SCGB2A2: variants seen among roughly 807,000 people sequenced by gnomAD.
SCGB2A2 encodes the protein secretoglobin family 2A member 2.
In SCGB2A2, 11 loss-of-function variants were observed where a neutral mutation model predicts 8.8. That is an observed-to-expected ratio of 1.25 (90% CI 0.79 to 2.07). The LOEUF (loss-of-function observed/expected upper bound fraction) is 2.07, where lower values mean the gene tolerates loss of function less well. Among genes scored for constraint, SCGB2A2 ranks in the 30% most tolerant of loss-of-function variants. SCGB2A2 has a pLI of 0.00. For missense variants in SCGB2A2, 113 were observed against 109.9 expected (o/e 1.03, Z -0.13); for synonymous variants, 42 against 40.9 (o/e 1.03, Z -0.10).
intron 2 of SCGB2A2, chr11:62,271,785 A>G: frequency 7.1e-6 from 7 of 985,442 alleles, no homozygotes; most frequent in Non-Finnish European, 8.4e-6. Context: ...CCATTTGAGC[A>G]AGATTCTATA....
Position 62,270,300 on chromosome 11 carries a change from G to A in SCGB2A2, c.55+29G>A, listed in dbSNP as rs367881849. 29 of 1,607,462 alleles carry A rather than the reference G, an allele frequency of 1.8e-5. No individual in the cohort carries two copies. The Middle Eastern group carries it at 4.9e-4, about 27-fold the overall frequency. On this transcript the variant is annotated intron_variant, in intron 1 of 2. Transcript: ENST00000227918. Reference sequence around the variant, plus strand: ...AGTTCTGTGCAGGGAGGGCTGCCTCGGGGTTAGGGGTTGTCACTTGGGCCT... The same window carrying A: ...AGTTCTGTGCAGGGAGGGCTGCCTCAGGGTTAGGGGTTGTCACTTGGGCCT...
chr11:62,271,428 C>A (rs907995307), intron 2 of SCGB2A2: 26 of 1,391,522 alleles, frequency 1.9e-5, no homozygotes, highest in Non-Finnish European at 2.4e-5. Context: ...TGCAAACACA[C>A]AGACACAGTC....
At position 62,271,078 on chromosome 11, in the gene SCGB2A2, T is replaced by C; in HGVS notation, c.243+10T>C. On this transcript the variant is annotated intron_variant, in intron 2 of 2. Coordinates refer to ENST00000227918, the MANE Select transcript of SCGB2A2 (RefSeq NM_002411.4). Reference sequence around the variant, plus strand: ...TGTTGAGGTGTTTATGGTAATTTCATTTTCTTCCTATAAGCTTTTTAAATC... The same window carrying C: ...TGTTGAGGTGTTTATGGTAATTTCACTTTCTTCCTATAAGCTTTTTAAATC... 1 of 1,614,164 alleles carries C rather than the reference T, an allele frequency of 6.2e-7. No individual in the cohort carries two copies. Among genetic ancestry groups the C allele is most frequent in the South Asian group, 1.1e-5 (1 of 91,076 alleles).
chr11:62,270,487 G>A (rs1945268710), intron 1 of SCGB2A2, among the ~76,000 whole-genome samples: 1 of 152,194 alleles, frequency 6.6e-6, no homozygotes, highest in Non-Finnish European at 1.5e-5. Flanking sequence ...TTATAGGTGT[G>A]AGCCACCACA....
intron 1 of SCGB2A2, among the ~76,000 whole-genome samples, chr11:62,270,680 A>C (rs938258940): frequency 3.8e-4 from 58 of 152,166 alleles, no homozygotes; most frequent in African/African-American, 1.3e-3. Context: ...TGGGCTGGGG[A>C]GTGGAGAGAA....
chr11:62,270,247 G>C lies in SCGB2A2; in HGVS notation c.31G>C (p.Ala11Pro), dbSNP rs1945266187. ...GTTGCTGATGGTCCTCATGCTGGCG[G>C]CCCTCTCCCAGCACTGCTACGCAGG... is the stretch of plus-strand genomic sequence containing the variant. MKLLMVLMLA[A>P]LSQHCYAGSG... The change falls in exon 1 of 3, where the codon GCC (alanine) becomes CCC (proline). Residue 11 changes from alanine to proline, a missense_variant. Coordinates refer to ENST00000227918, the MANE Select transcript of SCGB2A2 (RefSeq NM_002411.4). 1 of 1,613,774 alleles carries C rather than the reference G, an allele frequency of 6.2e-7. No individual in the cohort carries two copies. The highest frequency in any genetic ancestry group is 1.7e-5 in the Admixed American group (1 of 60,000).
At chr11:62,272,826 C>A in intron 2 of SCGB2A2, 131 bp from the exon 3 acceptor site, 1 of 554,518 alleles carries the variant, frequency 1.8e-6, no homozygotes, top group Non-Finnish European at 3.1e-6. Context: ...CTTCTACTTC[C>A]AGCCCTAACC....
At position 62,272,647 on chromosome 11, in the gene SCGB2A2, C is replaced by CTT. The variant is rs71886885; in HGVS notation, c.244-289_244-288dup. On this transcript the variant is annotated intron_variant, in intron 2 of 2. Transcript: ENST00000227918. ...GGTTAGACGAGAGCTCAAAGTTTCA[C>CTT]TTTTTTTTTTTTTTTTTTTTTTGCA... 7.4e-3 allele frequency among the ~76,000 whole-genome samples: 696 copies of CTT among 94,278 alleles called. 10 individuals carry two copies. Among genetic ancestry groups the CTT allele is most frequent in the East Asian group, 0.037 (110 of 2,980 alleles). 61.9% of individuals were successfully genotyped at this position (94,278 alleles called of 152,430 possible).
intron 2 of SCGB2A2, 168 bp downstream of exon 2, chr11:62,271,236 C>A: frequency 6.6e-7 from 1 of 1,507,006 alleles, no homozygotes. Context: ...GAAAAACATC[C>A]AGTGTCCCTG....
At chr11:62,271,713 CA>C (rs1432798213) in intron 2 of SCGB2A2, 1 of 985,098 alleles carries the variant, frequency 1.0e-6, no homozygotes, top group Non-Finnish European at 1.2e-6. Flanking sequence ...TTCTCTTCTT[CA>C]AAAAAAAGTA....
At chr11:62,272,042 T>TAAAAAAA (rs71053028) in intron 2 of SCGB2A2, 10,197 of 209,522 alleles carry the variant, frequency 0.049, 65 homozygotes, top group South Asian at 0.062. Flanking sequence ...CCTTCCCTGG[T>TAAAAAAA]AAAAAAAAAA....
At chr11:62,272,256 A>G (rs1367160351) in intron 2 of SCGB2A2, among the ~76,000 whole-genome samples, 1 of 29,198 alleles carries the variant, frequency 3.4e-5, no homozygotes, top group Non-Finnish European at 1.4e-4. Context: ...AGAGACAGTG[A>G]AAAAAAAAAA....
chr11:62,272,879 T>C (rs921315206), intron 2 of SCGB2A2, 78 bp from the exon 3 acceptor site: 13 of 1,107,960 alleles, frequency 1.2e-5, no homozygotes, highest in Non-Finnish European at 1.6e-5. Context: ...TGGAAAAAGA[T>C]AAGCTTCTGT....
chr11:62,270,575 G>C (rs1945269382), intron 1 of SCGB2A2, among the ~76,000 whole-genome samples: 1 of 152,194 alleles, frequency 6.6e-6, no homozygotes, highest in Non-Finnish European at 1.5e-5. Context: ...TTGAACCAAA[G>C]AAGACCAAAT....
intron 2 of SCGB2A2, among the ~76,000 whole-genome samples, chr11:62,272,336 T>A (rs1945286172): frequency 6.6e-6 from 1 of 151,798 alleles, no homozygotes; most frequent in African/African-American, 2.4e-5. Flanking sequence ...GGAGTTTCAG[T>A]TGTGCAAAAC....
intron 2 of SCGB2A2, chr11:62,272,114 A>G: frequency 2.3e-6 from 1 of 426,958 alleles, no homozygotes; most frequent in South Asian, 1.0e-4. Context: ...ACATCACCTC[A>G]GGAAACCCTG....
In SCGB2A2 at chr11:62,271,982, G is replaced by A. The variant is rs1025579121; in HGVS notation, c.243+914G>A. The stretch of plus-strand genomic sequence containing the variant: ...TTCTTTCTAACTATACATGTATATT[G>A]TTGAGGGTTTTCTTTAGCATTTATT... On this transcript the variant is annotated intron_variant, in intron 2 of 2. Transcript: ENST00000227918. 3 of 869,920 alleles carry A rather than the reference G, an allele frequency of 3.4e-6. No homozygotes were observed. In the African/African-American group the frequency reaches 6.1e-5, roughly 18 times the overall value. The allele number at this position is 869,920 out of a possible 1,614,324, so 53.9% of individuals were successfully genotyped here.
rs773667864 is a variant in SCGB2A2, at chr11:62,270,190, C to G, written c.-27C>G. 1 of 1,613,492 alleles carries G rather than the reference C, an allele frequency of 6.2e-7. No homozygotes were observed. Among genetic ancestry groups the G allele is most frequent in the Non-Finnish European group, 8.5e-7 (1 of 1,179,602 alleles). On this transcript the variant is annotated 5_prime_UTR_variant, in exon 1 of 3. Transcript: ENST00000227918. The stretch of plus-strand genomic sequence containing the variant: ...CTTCCTTGATCCTTGCCACCCGCGA[C>G]TGAACACCGACAGCAGCAGCCTCAC...
In SCGB2A2 at chr11:62,272,959, A is replaced by C; in HGVS notation, c.246A>C (p.Gln82His). 6.2e-7 allele frequency: 1 copy of C among 1,604,536 alleles called. No homozygotes were observed. The highest frequency in any genetic ancestry group is 8.5e-7 in the Non-Finnish European group (1 of 1,175,358). Residue 82 changes from glutamine to histidine, a missense_variant and splice_region_variant, in exon 3 of 3, where the codon CAA becomes CAC. Transcript: ENST00000227918. Reference protein sequence around the residue: ...ETLSNVEVFMQLIYDSSLCDL... With the variant: ...ETLSNVEVFMHLIYDSSLCDL... Reference sequence around the variant, plus strand: ...ATGTCTCTGTTTTTGCTTTCTAGCAATTAATATATGACAGCAGTCTTTGTG... The same window carrying C: ...ATGTCTCTGTTTTTGCTTTCTAGCACTTAATATATGACAGCAGTCTTTGTG...
Sources: allele counts gnomAD v4.1 joint callset (sites outside exome capture counted in the v4.1 genomes callset), GRCh38; gene constraint gnomAD v4.1.1; transcripts MANE v1.5; gene names NCBI Gene and HGNC (gene_info 2026-07-23, HGNC 2026-07-21).